The following LUZP2 variants were observed in gnomAD, a reference collection of about 807,000 sequenced individuals.
The protein encoded by LUZP2 is leucine zipper protein 2.
LUZP2 carries 52 observed loss-of-function variants against 51.6 expected under a neutral mutation model. The ratio of observed to expected loss-of-function variants is 1.01; its 90% confidence interval spans 0.81 to 1.27. The LOEUF (loss-of-function observed/expected upper bound fraction) is 1.27, where lower values mean the gene tolerates loss of function less well. LUZP2 is among the 50% of genes most tolerant of loss of function. LUZP2 has a pLI of 0.00. For synonymous variants in LUZP2, 154 were observed against 137.3 expected (o/e 1.12, Z -0.85); for missense variants, 436 against 395.4 (o/e 1.10, Z -0.87).
chr11:24,706,816 CTT>C (rs759322839), intron 1 of LUZP2, among the ~76,000 whole-genome samples: 1 of 151,854 alleles, frequency 6.6e-6, no homozygotes, highest in Non-Finnish European at 1.5e-5. Flanking sequence ...CCTCAGATCT[CTT>C]TATTTTTTAT....
At chr11:24,543,649 C>T (rs867996740) in intron 1 of LUZP2, among the ~76,000 whole-genome samples, 1 of 151,754 alleles carries the variant, frequency 6.6e-6, no homozygotes, top group African/African-American at 2.4e-5. Flanking sequence ...AGTGAAATTC[C>T]GTCTCTACTA....
At chr11:24,594,001 G>A (rs1853344023) in intron 1 of LUZP2, among the ~76,000 whole-genome samples, 1 of 152,144 alleles carries the variant, frequency 6.6e-6, no homozygotes, top group Admixed American at 6.6e-5. Context: ...GTATATACCT[G>A]CCAGAGTGCC....
chr11:24,735,529 C>T (rs1858904011), intron 3 of LUZP2, among the ~76,000 whole-genome samples: 2 of 151,768 alleles, frequency 1.3e-5, no homozygotes, highest in African/African-American at 2.4e-5. Context: ...ATAATGTTCT[C>T]GAAAACTAAA....
chr11:24,918,689 G>C (rs1350917538), intron 7 of LUZP2, among the ~76,000 whole-genome samples: 4 of 150,668 alleles, frequency 2.7e-5, no homozygotes. Context: ...TTTCAAAAAA[G>C]TGTCAAAAAA....
chr11:24,610,618 C>T (rs919129936), intron 1 of LUZP2, among the ~76,000 whole-genome samples: 1 of 152,178 alleles, frequency 6.6e-6, no homozygotes, highest in Non-Finnish European at 1.5e-5. Context: ...AGTGGTTCTA[C>T]TTAAAGAGTA....
At chr11:25,016,706 G>A (rs748414920) in intron 9 of LUZP2, among the ~76,000 whole-genome samples, 13 of 151,990 alleles carry the variant, frequency 8.6e-5, no homozygotes, top group Non-Finnish European at 7.4e-5. Flanking sequence ...TCATAGCTTT[G>A]GAATTGTAAA....
chr11:24,663,812 A>T (rs60835467), intron 1 of LUZP2, among the ~76,000 whole-genome samples: 381 of 152,230 alleles, frequency 2.5e-3, no homozygotes, highest in African/African-American at 8.8e-3. Flanking sequence ...ATGGTTTTAC[A>T]TGAGGCTTCC....
intron 1 of LUZP2, among the ~76,000 whole-genome samples, chr11:24,704,234 T>C (rs768021495): frequency 6.6e-6 from 1 of 152,174 alleles, no homozygotes; most frequent in Admixed American, 6.6e-5. Context: ...GAAATGGTCA[T>C]TTTTGGACAA....
intron 8 of LUZP2, among the ~76,000 whole-genome samples, chr11:24,979,345 A>T (rs7936129): frequency 0.52 from 78,731 of 151,452 alleles, 20,876 homozygotes; most frequent in Middle Eastern, 0.57. Context: ...AGGTTCATAA[A>T]CTATAGCCAT....
chr11:24,521,220 G>T (rs4444077), intron 1 of LUZP2, among the ~76,000 whole-genome samples: 15 of 151,872 alleles, frequency 9.9e-5, no homozygotes, highest in African/African-American at 3.4e-4. Flanking sequence ...GCATGGTGGC[G>T]TGGGCCTGTA....
chr11:24,920,963 T>A (rs1854034325), intron 7 of LUZP2, among the ~76,000 whole-genome samples: 1 of 151,946 alleles, frequency 6.6e-6, no homozygotes, highest in African/African-American at 2.4e-5. Context: ...AAGAAAATAT[T>A]TTTAAAAACA....
intron 7 of LUZP2, among the ~76,000 whole-genome samples, chr11:24,951,646 A>T (rs1855083607): frequency 1.5e-5 from 2 of 136,222 alleles, no homozygotes; most frequent in African/African-American, 6.2e-5. Flanking sequence ...ATATTTAAAC[A>T]TATATATATA....
chr11:25,043,761 T>C (rs867021995), intron 9 of LUZP2, among the ~76,000 whole-genome samples: 1 of 148,088 alleles, frequency 6.8e-6, no homozygotes. Context: ...CATAGTGTGG[T>C]ATATATATAA....
intron 1 of LUZP2, among the ~76,000 whole-genome samples, chr11:24,618,607 G>A (rs1204034197): frequency 2.0e-5 from 3 of 152,146 alleles, no homozygotes; most frequent in African/African-American, 4.8e-5. Context: ...TTTCTAAGTT[G>A]TATCTTCTTC....
At chr11:25,049,526 G>T (rs1035728119) in intron 9 of LUZP2, among the ~76,000 whole-genome samples, 11 of 151,632 alleles carry the variant, frequency 7.3e-5, no homozygotes, top group Non-Finnish European at 1.6e-4. Flanking sequence ...ATAATATTTA[G>T]GGTTTCTGGA....
At chr11:24,749,213 AG>A (rs1378404218) in intron 4 of LUZP2, among the ~76,000 whole-genome samples, 14 of 152,180 alleles carry the variant, frequency 9.2e-5, no homozygotes, top group African/African-American at 2.9e-4. Context: ...AGTGCAAATC[AG>A]AAGAGACCAC....
At chr11:25,022,699 A>G (rs1402849662) in intron 9 of LUZP2, among the ~76,000 whole-genome samples, 2 of 152,156 alleles carry the variant, frequency 1.3e-5, no homozygotes, top group East Asian at 1.9e-4. Context: ...TCCTAAATCA[A>G]TAGTACTGGA....
intron 10 of LUZP2, among the ~76,000 whole-genome samples, chr11:25,063,608 A>AT (rs1267316579): frequency 6.6e-6 from 1 of 151,880 alleles, no homozygotes; most frequent in Admixed American, 6.6e-5. Flanking sequence ...TGATCATACC[A>AT]TTTTATTCAG....
intron 1 of LUZP2, among the ~76,000 whole-genome samples, chr11:24,568,709 T>C (rs1340396027): frequency 6.6e-6 from 1 of 152,056 alleles, no homozygotes; most frequent in Non-Finnish European, 1.5e-5. Context: ...TAAGTTATTA[T>C]GCAAATGTTT....
Sources: allele counts gnomAD v4.1 joint callset (sites outside exome capture counted in the v4.1 genomes callset), GRCh38; gene constraint gnomAD v4.1.1; transcripts MANE v1.5; gene names NCBI Gene and HGNC (gene_info 2026-07-23, HGNC 2026-07-21).